Variants in TMPRSS7 observed in about 807,000 individuals in gnomAD.
TMPRSS7 encodes transmembrane protease serine 7.
Under a neutral mutation model 95.6 loss-of-function variants are expected in TMPRSS7, and 81 were observed. That is an observed-to-expected ratio of 0.85 (90% CI 0.71 to 1.02). TMPRSS7 has a LOEUF of 1.02. Among genes scored for constraint, TMPRSS7 ranks in the 50% least tolerant of loss-of-function variants. The pLI is 0.00. For missense variants in TMPRSS7, 945 were observed against 955.2 expected, an observed-to-expected ratio of 0.99 and a Z score of 0.14; for synonymous variants, 364 against 337.8, an observed-to-expected ratio of 1.08 and a Z score of -0.85.
At chr3:112,047,800 T>C in exon 7 of TMPRSS7, 9 of 1,614,146 alleles carry the variant, frequency 5.6e-6, no homozygotes, top group Non-Finnish European at 7.6e-6. Flanking sequence ...CGCTGGAGAT[T>C]TCTGCAGCCT....
chr3:112,052,240 G>A (rs775082151), intron 9 of TMPRSS7, among the ~76,000 whole-genome samples: 7 of 152,090 alleles, frequency 4.6e-5, no homozygotes, highest in African/African-American at 7.2e-5. Context: ...TTGCTGACAA[G>A]GGGACATTTG....
chr3:112,049,630 G>A (rs1457642510), intron 7 of TMPRSS7, among the ~76,000 whole-genome samples: 3 of 152,146 alleles, frequency 2.0e-5, no homozygotes, highest in Non-Finnish European at 4.4e-5. Flanking sequence ...GAATTCTCTG[G>A]TAGAGGTTCC....
chr3:112,057,104 A>G, exon 10 of TMPRSS7: 2 of 1,612,870 alleles, frequency 1.2e-6, no homozygotes, highest in African/African-American at 1.3e-5. Flanking sequence ...GGCTGTGAGC[A>G]TGGATGGTGG....
At chr3:112,074,235 C>G (rs896442814) in intron 13 of TMPRSS7, 61 bp from the exon 14 acceptor site, 36 of 1,175,004 alleles carry the variant, frequency 3.1e-5, no homozygotes, top group Non-Finnish European at 4.2e-5. Flanking sequence ...TCATTCAAAT[C>G]TCATTCACTC....
rs1003768054 is a variant in TMPRSS7 at position 112,051,665 on chromosome 3, T to A, written c.1203+882T>A. On this transcript the variant is annotated intron_variant, in intron 9 of 17. Transcript: ENST00000452346. Reference sequence around the variant, plus strand: ...CTATCTATCTATCTATCTATCTATCTATCATCTATCTATCTATCTATCTAT... The same window carrying A: ...CTATCTATCTATCTATCTATCTATCAATCATCTATCTATCTATCTATCTAT... Among the ~76,000 whole-genome samples, 6 of 93,170 alleles carry A rather than the reference T, an allele frequency of 6.4e-5. No individual in the cohort carries two copies. In the East Asian group the frequency reaches 1.6e-3, roughly 25 times the overall value. 61.1% of individuals were successfully genotyped at this position (93,170 alleles called of 152,430 possible).
chr3:112,042,033 C>T (rs930745616), exon 3 of TMPRSS7: 22 of 1,551,374 alleles, frequency 1.4e-5, no homozygotes, highest in African/African-American at 6.9e-5. Flanking sequence ...TTCAGTGTCA[C>T]GGACTGTGCA....
chr3:112,069,351 G>C (rs953295837), intron 13 of TMPRSS7, among the ~76,000 whole-genome samples: 3 of 152,178 alleles, frequency 2.0e-5, no homozygotes, highest in African/African-American at 7.2e-5. Flanking sequence ...AAATAAGTTA[G>C]GGAGGATTCC....
At chr3:112,066,782 T>C (rs9876878) in intron 13 of TMPRSS7, among the ~76,000 whole-genome samples, 82,684 of 151,950 alleles carry the variant, frequency 0.54, 23,001 homozygotes, top group Admixed American at 0.62. Flanking sequence ...CTCCTTTTTT[T>C]TTTCAATTTT....
chr3:112,049,987 C>A lies in TMPRSS7; in HGVS notation c.1090+13C>A. The A allele has an allele frequency of 6.5e-7, 1 of 1,530,360 alleles. No individual in the cohort carries two copies. Among genetic ancestry groups the A allele is most frequent in the Non-Finnish European group, 8.8e-7 (1 of 1,130,868 alleles). 94.8% of individuals were successfully genotyped at this position (1,530,360 alleles called of 1,614,324 possible). A position where few individuals can be genotyped will look rare whatever the true frequency, so the allele number is the denominator to read the frequency against. On this transcript the variant is annotated intron_variant, in intron 8 of 17. Transcript: ENST00000452346. The stretch of plus-strand genomic sequence containing the variant: ...ATTCCAGAACAAAGTAAGTCTTCCC[C>A]AATTATGGAGAAGTCACTTTTAGAA...
chr3:112,080,660 A>C (rs2073768421), intron 17 of TMPRSS7, among the ~76,000 whole-genome samples: 1 of 152,132 alleles, frequency 6.6e-6, no homozygotes, highest in Non-Finnish European at 1.5e-5. Flanking sequence ...TCCAGTAAGA[A>C]TCTTCCAGTG....
intron 13 of TMPRSS7, among the ~76,000 whole-genome samples, chr3:112,067,537 TA>T (rs1158937163): frequency 5.9e-5 from 9 of 152,238 alleles, no homozygotes; most frequent in African/African-American, 2.2e-4. Flanking sequence ...TGATGTGAGA[TA>T]GTATCTCATT....
chr3:112,075,379 G>C (rs376072972), exon 15 of TMPRSS7: 2 of 1,518,070 alleles, frequency 1.3e-6, no homozygotes, highest in African/African-American at 1.4e-5. Flanking sequence ...ACACCCTGGA[G>C]GGGGGTTGGC....
chr3:112,060,142 G>T (rs1454154300), intron 10 of TMPRSS7, among the ~76,000 whole-genome samples: 1 of 152,178 alleles, frequency 6.6e-6, no homozygotes. Context: ...AAAGGGGAGG[G>T]AGTGTACGAA....
chr3:112,064,381 C>A (rs2073550056), intron 12 of TMPRSS7, among the ~76,000 whole-genome samples: 1 of 150,678 alleles, frequency 6.6e-6, no homozygotes, highest in Non-Finnish European at 1.5e-5. Context: ...CCAGGTCTTG[C>A]TTTGTCACTC....
chr3:112,043,025 C>T (rs1388297372), intron 3 of TMPRSS7: 1 of 455,996 alleles, frequency 2.2e-6, no homozygotes, highest in Non-Finnish European at 4.4e-6. Flanking sequence ...CAATAGTGCT[C>T]AGAGCAGCTT....
chr3:112,064,000 C>A (rs986819045), intron 12 of TMPRSS7, among the ~76,000 whole-genome samples: 1 of 152,198 alleles, frequency 6.6e-6, no homozygotes, highest in Non-Finnish European at 1.5e-5. Flanking sequence ...CATGGTTTCT[C>A]ATAAGGCCTG....
chr3:112,066,410 G>A, exon 13 of TMPRSS7: 1 of 1,613,948 alleles, frequency 6.2e-7, no homozygotes, highest in Non-Finnish European at 8.5e-7. Flanking sequence ...CAACCTGCCT[G>A]CAATACCAGC....
chr3:112,047,598 A>G lies in TMPRSS7; in HGVS notation c.731-141A>G. 2.7e-5 allele frequency: 18 copies of G among 674,678 alleles called. 1 individual carries two copies. In the South Asian group the frequency reaches 3.1e-4, roughly 12 times the overall value. The allele number at this position is 674,678 out of a possible 1,614,324, so 41.8% of individuals were successfully genotyped here. ...GGCAAAATGCTGGGCTGTTACCAGA[A>G]GGCAGGGAAGTGGACCTAGGCTGGC... On this transcript the variant is annotated intron_variant, in intron 6 of 17. Coordinates refer to ENST00000452346, the Ensembl canonical transcript of TMPRSS7.
At chr3:112,038,378 T>C (rs1473045600) in intron 2 of TMPRSS7, 57 bp downstream of exon 2, 1 of 668,906 alleles carries the variant, frequency 1.5e-6, no homozygotes, top group Non-Finnish European at 2.7e-6. Context: ...AGTCCAGCAT[T>C]AGCAATGCAG....
Sources: gnomAD v4.1 joint callset for allele counts (sites outside exome capture counted in the v4.1 genomes callset) on GRCh38, gnomAD v4.1.1 for gene constraint, MANE v1.5 for transcripts, NCBI Gene and HGNC (gene_info 2026-07-23, HGNC 2026-07-21) for gene names.